The following AGBL1 variants were observed in gnomAD, a reference collection of about 807,000 sequenced individuals.
The protein encoded by AGBL1 is AGBL carboxypeptidase 1.
AGBL1 carries 130 observed loss-of-function variants against 118.9 expected under a neutral mutation model. The ratio of observed to expected loss-of-function variants is 1.09; its 90% CI spans 0.95 to 1.26. The LOEUF (loss-of-function observed/expected upper bound fraction) is 1.26, where lower values mean the gene tolerates loss of function less well. AGBL1 is among the 50% of genes most tolerant of loss of function. AGBL1 has a pLI of 0.00. For missense variants in AGBL1, 1,584 were observed against 1,298.1 expected, an observed-to-expected ratio of 1.22 and a Z score of -3.38; for synonymous variants, 555 against 478.9, an observed-to-expected ratio of 1.16 and a Z score of -2.08.
intron 23 of AGBL1, among the ~76,000 whole-genome samples, chr15:86,932,185 C>A (rs1482572908): frequency 6.6e-6 from 1 of 152,188 alleles, no homozygotes; most frequent in Non-Finnish European, 1.5e-5. Flanking sequence ...CCTTCCAACA[C>A]CCTCCCATTT....
chr15:86,871,627 T>C (rs2079729551), intron 22 of AGBL1, among the ~76,000 whole-genome samples: 1 of 152,072 alleles, frequency 6.6e-6, no homozygotes, highest in African/African-American at 2.4e-5. Context: ...AGACTTGGGG[T>C]CCCCTGGCCT....
chr15:86,389,146 C>G (rs16976685), intron 17 of AGBL1, among the ~76,000 whole-genome samples: 11,435 of 151,888 alleles, frequency 0.075, 460 homozygotes, highest in East Asian at 0.15. Context: ...AGAGAATCAA[C>G]AGAAAACATT....
At chr15:86,802,476 G>C (rs2078663776) in intron 22 of AGBL1, among the ~76,000 whole-genome samples, 1 of 152,054 alleles carries the variant, frequency 6.6e-6, no homozygotes. Flanking sequence ...AAATCACAAA[G>C]TAGAACCATG....
chr15:86,479,941 T>C (rs1247086430), intron 18 of AGBL1, among the ~76,000 whole-genome samples: 1 of 152,146 alleles, frequency 6.6e-6, no homozygotes, highest in Non-Finnish European at 1.5e-5. Context: ...TGTAGGGACA[T>C]GGATGAAGCT....
chr15:86,448,351 T>C (rs1368415650), intron 18 of AGBL1, among the ~76,000 whole-genome samples: 1 of 152,162 alleles, frequency 6.6e-6, no homozygotes, highest in Non-Finnish European at 1.5e-5. Flanking sequence ...AAAGGGAAGA[T>C]AAGACGTCGA....
chr15:86,640,105 CCAT>C (rs936374714), intron 21 of AGBL1, among the ~76,000 whole-genome samples: 2 of 152,044 alleles, frequency 1.3e-5, no homozygotes, highest in African/African-American at 4.8e-5. Context: ...ACTATCAGCA[CCAT>C]CATCATCATC....
At chr15:86,630,100 T>G (rs975693813) in intron 21 of AGBL1, among the ~76,000 whole-genome samples, 3 of 152,270 alleles carry the variant, frequency 2.0e-5, no homozygotes, top group Non-Finnish European at 4.4e-5. Context: ...ATATGAATCT[T>G]CCTTCTATGT....
intron 6 of AGBL1, among the ~76,000 whole-genome samples, chr15:86,239,273 T>C (rs1454573354): frequency 2.0e-5 from 3 of 152,172 alleles, no homozygotes; most frequent in Non-Finnish European, 4.4e-5. Flanking sequence ...GAAACCAAAA[T>C]TTACTTTATA....
intron 22 of AGBL1, among the ~76,000 whole-genome samples, chr15:86,717,796 C>G (rs2086659956): frequency 6.6e-6 from 1 of 152,124 alleles, no homozygotes; most frequent in South Asian, 2.1e-4. Flanking sequence ...AAACCCAATT[C>G]AGGCCGGGCA....
chr15:86,610,474 G>A (rs774775610), intron 21 of AGBL1, among the ~76,000 whole-genome samples: 34 of 152,186 alleles, frequency 2.2e-4, no homozygotes, highest in Admixed American at 5.2e-4. Context: ...TGTGAATGTG[G>A]AATGTACTTT....
At chr15:86,778,419 G>T (rs373676038) in intron 22 of AGBL1, among the ~76,000 whole-genome samples, 3 of 152,102 alleles carry the variant, frequency 2.0e-5, no homozygotes, top group Non-Finnish European at 2.9e-5. Context: ...GGAGTGCTAC[G>T]GGAGACTGCG....
chr15:86,734,370 G>A lies in AGBL1; in HGVS notation c.3158+59934G>A, dbSNP rs558311972. On this transcript the variant is annotated intron_variant, in intron 22 of 22. Coordinates refer to ENST00000614907, the MANE Select transcript of AGBL1 (RefSeq NM_001386094.1). ...TCAATTATAGGAAGAAGTATGGCAT[G>A]ACAGGTTTCATGAACTTGATAGCAG... Among the ~76,000 whole-genome samples the A allele has an allele frequency of 3.2e-4, 49 of 152,280 alleles. 1 individual carries two copies. The highest frequency in any genetic ancestry group is 8.4e-4 in the African/African-American group (35 of 41,564).
At chr15:86,487,140 A>G (rs1437553338) in intron 18 of AGBL1, among the ~76,000 whole-genome samples, 1 of 152,080 alleles carries the variant, frequency 6.6e-6, no homozygotes, top group Non-Finnish European at 1.5e-5. Context: ...CTGACCTTCC[A>G]GAACTGTCAC....
chr15:86,565,858 T>C (rs973165308), intron 21 of AGBL1, among the ~76,000 whole-genome samples: 2 of 152,220 alleles, frequency 1.3e-5, no homozygotes, highest in African/African-American at 4.8e-5. Flanking sequence ...GCCTCGCTGC[T>C]GCCTTGCAGT....
In AGBL1 at chr15:86,371,825, G is replaced by A. The variant is rs74752328; in HGVS notation, c.2375-25541G>A. Among the ~76,000 whole-genome samples the A allele has an allele frequency of 9.8e-4, 150 of 152,308 alleles. 2 individuals carry two copies. The East Asian group carries it at 0.026, about 27-fold the overall frequency. On this transcript the variant is annotated intron_variant, in intron 17 of 22. Transcript: ENST00000614907. ...GCTGCCTCTTTCCACCCTTTGTAATGTGTTTTGGCACAATTTTGGTTGGCT... is the reference window on the plus strand; with the variant it reads ...GCTGCCTCTTTCCACCCTTTGTAATATGTTTTGGCACAATTTTGGTTGGCT...
At chr15:86,722,598 C>T (rs1472229895) in intron 22 of AGBL1, among the ~76,000 whole-genome samples, 6 of 152,306 alleles carry the variant, frequency 3.9e-5, no homozygotes, top group Non-Finnish European at 8.8e-5. Flanking sequence ...TAGGCATGGG[C>T]AAGGACTTCC....
rs546753053 is a variant in AGBL1, at chr15:86,090,769, C to G, written c.51+10746C>G. On this transcript the variant is annotated intron_variant, in intron 1 of 22. Coordinates refer to ENST00000614907, the MANE Select transcript of AGBL1 (RefSeq NM_001386094.1). Reference sequence around the variant, plus strand: ...TATTTTTGCTGCAAAGCTTTTCCCCCATGATCTAACTCTTATACTTAATGA... The same window carrying G: ...TATTTTTGCTGCAAAGCTTTTCCCCGATGATCTAACTCTTATACTTAATGA... 4.6e-5 allele frequency among the ~76,000 whole-genome samples: 7 copies of G among 152,254 alleles called. No individual in the cohort carries two copies. In the East Asian group the frequency reaches 1.4e-3, roughly 29 times the overall value.
chr15:86,102,605 C>A (rs1290867528), intron 1 of AGBL1, among the ~76,000 whole-genome samples: 3 of 152,118 alleles, frequency 2.0e-5, no homozygotes, highest in Non-Finnish European at 2.9e-5. Context: ...TTTAATATAT[C>A]ATCTCATTTT....
intron 22 of AGBL1, among the ~76,000 whole-genome samples, chr15:86,683,966 C>A (rs1473904508): frequency 1.3e-5 from 2 of 152,136 alleles, no homozygotes; most frequent in Non-Finnish European, 2.9e-5. Flanking sequence ...CCCTGTGACA[C>A]CTATGGCTCT....
Sources: allele counts gnomAD v4.1 joint callset (sites outside exome capture counted in the v4.1 genomes callset), GRCh38; gene constraint gnomAD v4.1.1; transcripts MANE v1.5; gene names NCBI Gene and HGNC (gene_info 2026-07-23, HGNC 2026-07-21).